The following CFAP61 variants were observed in gnomAD, a reference collection of about 807,000 sequenced individuals.
CFAP61 encodes the protein cilia and flagella associated protein 61.
CFAP61 carries 107 observed loss-of-function variants against 135.6 expected under a neutral mutation model. The observed-to-expected ratio is 0.79, with a 90% CI of 0.67 to 0.93. The LOEUF (loss-of-function observed/expected upper bound fraction) is 0.93. Ranked by LOEUF, CFAP61 falls within the 40% of genes least tolerant of loss-of-function variation. The pLI is 0.00. For synonymous variants in CFAP61, 575 were observed against 578.5 expected (o/e 0.99, Z 0.09); for missense variants, 1,507 against 1,556.2 (o/e 0.97, Z 0.53).
intron 25 of CFAP61, among the ~76,000 whole-genome samples, chr20:20,321,877 C>T (rs1479900674): frequency 6.6e-6 from 1 of 152,158 alleles, no homozygotes; most frequent in Non-Finnish European, 1.5e-5. Context: ...CTTGCTTTTA[C>T]CAATAGAGTT....
intron 25 of CFAP61, among the ~76,000 whole-genome samples, chr20:20,320,420 T>TAATATATGTAATATATGTAATATATATTA (rs1601997522): frequency 2.6e-5 from 2 of 77,122 alleles, no homozygotes; most frequent in Admixed American, 3.4e-4. Context: ...GTAATATATA[T>TAATATATGTAATATATGTAATATATATTA]TATATATGTA....
intron 20 of CFAP61, among the ~76,000 whole-genome samples, chr20:20,255,584 C>A (rs1278719714): frequency 6.6e-6 from 1 of 151,984 alleles, no homozygotes; most frequent in African/African-American, 2.4e-5. Context: ...ATGGTGCAGC[C>A]CAGGTGACAG....
chr20:20,075,150 T>C, intron 4 of CFAP61, 39 bp from the exon 5 acceptor site: 2 of 1,594,138 alleles, frequency 1.3e-6, no homozygotes, highest in Non-Finnish European at 1.7e-6. Context: ...TGGGATTGCT[T>C]TGTTAGTAAC....
At chr20:20,296,330 T>TCCTTCCTTCCTTCCTTCCTTCCTTC (rs1438602255) in intron 24 of CFAP61, among the ~76,000 whole-genome samples, 21 of 39,518 alleles carry the variant, frequency 5.3e-4, no homozygotes, top group South Asian at 1.1e-3. Flanking sequence ...TTCCTTCCCT[T>TCCTTCCTTCCTTCCTTCCTTCCTTC]CCTTCCTTCC....
At chr20:20,076,985 C>A (rs2046097392) in intron 6 of CFAP61, among the ~76,000 whole-genome samples, 1 of 152,132 alleles carries the variant, frequency 6.6e-6, no homozygotes, top group Non-Finnish European at 1.5e-5. Flanking sequence ...CACTTCCTGC[C>A]ACATGTAAGG....
At position 20,290,224 on chromosome 20, in the gene CFAP61, T is replaced by C. The variant is rs1033612272; in HGVS notation, c.3125-76T>C. On this transcript the variant is annotated intron_variant, in intron 23 of 26. Transcript: ENST00000245957. ...CGCCACTGCAGGCATCTGTTTGTCC[T>C]GTGATGAAAATATGAGCTCTGTTAC... The C allele has an allele frequency of 2.7e-5, 25 of 924,002 alleles. No individual in the cohort carries two copies. The African/African-American group carries it at 3.9e-4, about 14-fold the overall frequency. The allele number at this position is 924,002 out of a possible 1,614,324, so 57.2% of individuals were successfully genotyped here.
intron 18 of CFAP61, among the ~76,000 whole-genome samples, chr20:20,234,149 G>T (rs1740912692): frequency 6.6e-6 from 1 of 152,202 alleles, no homozygotes; most frequent in African/African-American, 2.4e-5. Context: ...CTAGGGAACT[G>T]CCTGAGAGCA....
chr20:20,342,626 C>T (rs111228225), intron 26 of CFAP61, among the ~76,000 whole-genome samples: 1 of 152,196 alleles, frequency 6.6e-6, no homozygotes, highest in Non-Finnish European at 1.5e-5. Context: ...GCTTCTACCT[C>T]GTGTTACCGT....
chr20:20,120,808 C>T (rs1463150656), intron 8 of CFAP61, among the ~76,000 whole-genome samples: 3 of 152,192 alleles, frequency 2.0e-5, no homozygotes, highest in African/African-American at 7.2e-5. Flanking sequence ...TACTCGAATA[C>T]TCTAGTGTTG....
Position 20,246,613 on chromosome 20 carries a change from C to G in CFAP61, c.2159+398C>G, listed in dbSNP as rs555178219. ...TGGCCATTTGTACTCAGCAGCTGAT[C>G]AGGCAAAGAACTTCCATGCCAGTCT... On this transcript the variant is annotated intron_variant, in intron 19 of 26. Coordinates refer to ENST00000245957, the MANE Select transcript of CFAP61 (RefSeq NM_015585.4). 3.3e-5 allele frequency among the ~76,000 whole-genome samples: 5 copies of G among 152,358 alleles called. No homozygotes were observed. The East Asian group carries it at 9.6e-4, about 29-fold the overall frequency.
chr20:20,251,832 C>A, intron 20 of CFAP61, 69 bp downstream of exon 20: 1 of 1,463,124 alleles, frequency 6.8e-7, no homozygotes, highest in Non-Finnish European at 9.5e-7. Context: ...CATATGTTTA[C>A]TGGGGCACAC....
chr20:20,256,680 A>G (rs1000310454), intron 20 of CFAP61, among the ~76,000 whole-genome samples: 7 of 152,244 alleles, frequency 4.6e-5, no homozygotes, highest in African/African-American at 1.4e-4. Flanking sequence ...TGCTTGGTTC[A>G]GGAGAAAACA....
At chr20:20,270,095 T>C (rs949066541) in intron 21 of CFAP61, among the ~76,000 whole-genome samples, 20 of 152,194 alleles carry the variant, frequency 1.3e-4, no homozygotes, top group Admixed American at 1.3e-3. Context: ...TGCATAGACA[T>C]AATTTAAAAT....
chr20:20,159,403 G>A lies in CFAP61; in HGVS notation c.985G>A (p.Ala329Thr). 1.2e-6 allele frequency: 2 copies of A among 1,614,024 alleles called. No individual in the cohort carries two copies. Among genetic ancestry groups the A allele is most frequent in the Non-Finnish European group, 1.7e-6 (2 of 1,179,890 alleles). Reference sequence around the variant, plus strand: ...TGCCAGAGAAGCTGCATCCGAGGAAGCTTTAACAGCAGTCCAAAGTGGAAA... The same window carrying A: ...TGCCAGAGAAGCTGCATCCGAGGAAACTTTAACAGCAGTCCAAAGTGGAAA... Reference protein sequence around the residue: ...NIAREAASEEALTAVQSGNVS... With the variant: ...NIAREAASEETLTAVQSGNVS... The change falls in exon 10 of 27, where the codon GCT becomes ACT. Residue 329 changes from alanine (A) to threonine (T), a missense_variant. Ala to Thr is a moderately conservative substitution (Grantham distance 58, BLOSUM62 0). Transcript: ENST00000245957.
At chr20:20,098,389 C>T (rs1568896365) in intron 7 of CFAP61, among the ~76,000 whole-genome samples, 3 of 151,470 alleles carry the variant, frequency 2.0e-5, no homozygotes, top group Non-Finnish European at 4.4e-5. Flanking sequence ...GTGGGTGGAT[C>T]ACTTGAGGTC....
At position 20,277,863 on chromosome 20, in the gene CFAP61, A is replaced by T. The variant is rs529501041; in HGVS notation, c.2796+405A>T. 9.2e-5 allele frequency among the ~76,000 whole-genome samples: 14 copies of T among 152,258 alleles called. No homozygotes were observed. The South Asian group carries it at 2.7e-3, about 29-fold the overall frequency. On this transcript the variant is annotated intron_variant, in intron 22 of 26. Transcript: ENST00000245957. ...CTTTAGTTGAGATTTTCACCAGAAC[A>T]CTTAGAAGTGGCCCCTTCATGGGAC...
chr20:20,323,035 C>T (rs2057592720), intron 25 of CFAP61: 1 of 985,338 alleles, frequency 1.0e-6, no homozygotes, highest in African/African-American at 1.7e-5. Flanking sequence ...TTATGCAGCT[C>T]TGACTTTGTG....
chr20:20,155,907 T>C (rs550975585), intron 9 of CFAP61, among the ~76,000 whole-genome samples: 14 of 152,284 alleles, frequency 9.2e-5, no homozygotes, highest in Admixed American at 7.8e-4. Flanking sequence ...GATCCAGCAG[T>C]CCCACTACTG....
chr20:20,321,416 AG>A (rs1217205648), intron 25 of CFAP61, among the ~76,000 whole-genome samples: 7 of 152,248 alleles, frequency 4.6e-5, no homozygotes, highest in Admixed American at 2.6e-4. Flanking sequence ...TCATTCAAAA[AG>A]TATCTGATAA....
Sources: gnomAD v4.1 joint callset for allele counts (sites outside exome capture counted in the v4.1 genomes callset) on GRCh38, gnomAD v4.1.1 for gene constraint, MANE v1.5 for transcripts, NCBI Gene and HGNC (gene_info 2026-07-23, HGNC 2026-07-21) for gene names.